The following ATRNL1 variants were observed in gnomAD, a reference collection of about 807,000 sequenced individuals.
ATRNL1 encodes the protein attractin like 1.
Under a neutral mutation model 182.7 loss-of-function variants are expected in ATRNL1, and 95 were observed. The ratio of observed to expected loss-of-function variants is 0.52; its 90% CI spans 0.44 to 0.62. The LOEUF (loss-of-function observed/expected upper bound fraction) is 0.62, where lower values mean the gene tolerates loss of function less well. Among genes scored for constraint, ATRNL1 ranks in the 20% least tolerant of loss-of-function variants. The pLI, the probability that ATRNL1 is intolerant of heterozygous loss-of-function variation, is 0.00. For missense variants in ATRNL1, 1,471 were observed against 1,679.5 expected, an observed-to-expected ratio of 0.88 and a Z score of 2.17; for synonymous variants, 576 against 568.3, an observed-to-expected ratio of 1.01 and a Z score of -0.19.
intron 27 of ATRNL1, among the ~76,000 whole-genome samples, chr10:115,790,248 TTTAAA>T (rs1411764223): frequency 6.3e-5 from 5 of 79,826 alleles, no homozygotes; most frequent in Non-Finnish European, 1.2e-4. Flanking sequence ...GCCTTGTTAG[TTTAAA>T]AAGAAAAAAA....
intron 27 of ATRNL1, among the ~76,000 whole-genome samples, chr10:115,791,795 C>T (rs1555081842): frequency 6.6e-6 from 1 of 152,102 alleles, no homozygotes; most frequent in African/African-American, 2.4e-5. Context: ...TTCTCCAATT[C>T]TCTTAACAGG....
chr10:115,132,379 C>G (rs561898797), intron 5 of ATRNL1, among the ~76,000 whole-genome samples: 1 of 151,912 alleles, frequency 6.6e-6, no homozygotes, highest in African/African-American at 2.4e-5. Context: ...TGAATAGTGC[C>G]GCAATAAACA....
chr10:115,290,909 T>TGGCTACTTGG, intron 15 of ATRNL1, among the ~76,000 whole-genome samples: 1 of 152,154 alleles, frequency 6.6e-6, no homozygotes, highest in South Asian at 2.1e-4. Flanking sequence ...GTAGATGGGT[T>TGGCTACTTGG]CTCTACTTGG....
chr10:115,480,388 T>A (rs1848713664), intron 24 of ATRNL1, among the ~76,000 whole-genome samples: 1 of 151,238 alleles, frequency 6.6e-6, no homozygotes, highest in Admixed American at 6.6e-5. Context: ...TCGTTATTTG[T>A]GGTTCTTGTC....
intron 26 of ATRNL1, among the ~76,000 whole-genome samples, chr10:115,609,264 A>G (rs1285443822): frequency 1.3e-5 from 2 of 152,090 alleles, no homozygotes; most frequent in African/African-American, 4.8e-5. Context: ...CCCTGCTGAC[A>G]TGATGTGGAA....
intron 26 of ATRNL1, among the ~76,000 whole-genome samples, chr10:115,584,389 T>C (rs1855359401): frequency 7.4e-6 from 1 of 135,854 alleles, no homozygotes; most frequent in Non-Finnish European, 1.6e-5. Flanking sequence ...TAGACTCTTT[T>C]TGGTTGGTAA....
At chr10:115,570,986 T>G (rs1854356190) in intron 26 of ATRNL1, among the ~76,000 whole-genome samples, 1 of 152,170 alleles carries the variant, frequency 6.6e-6, no homozygotes. Context: ...CTGGGATAGC[T>G]TATCTCTCCC....
At chr10:115,701,165 C>T (rs1452680902) in intron 26 of ATRNL1, among the ~76,000 whole-genome samples, 2 of 151,942 alleles carry the variant, frequency 1.3e-5, no homozygotes, top group Non-Finnish European at 2.9e-5. Context: ...CTCAAAACCA[C>T]ACAATTACAT....
At chr10:115,714,632 C>T (rs1041938432) in intron 26 of ATRNL1, among the ~76,000 whole-genome samples, 8 of 152,084 alleles carry the variant, frequency 5.3e-5, no homozygotes, top group Non-Finnish European at 1.5e-5. Context: ...ATAATAGAAA[C>T]CTTATCAGAG....
chr10:115,721,380 A>C (rs782080134), intron 26 of ATRNL1, among the ~76,000 whole-genome samples: 5 of 152,194 alleles, frequency 3.3e-5, no homozygotes, highest in African/African-American at 4.8e-5. Context: ...GCATTGGTAT[A>C]TACATATATA....
At chr10:115,504,657 C>A (rs1186114039) in intron 24 of ATRNL1, among the ~76,000 whole-genome samples, 2 of 152,034 alleles carry the variant, frequency 1.3e-5, no homozygotes, top group Admixed American at 6.6e-5. Flanking sequence ...ATTCTTAACA[C>A]ATTTTTAATA....
intron 5 of ATRNL1, among the ~76,000 whole-genome samples, chr10:115,153,712 A>G (rs1249369772): frequency 6.6e-5 from 10 of 151,474 alleles, no homozygotes; most frequent in African/African-American, 1.9e-4. Flanking sequence ...TTGTGTCTCT[A>G]TCTCCTTCAG....
At chr10:115,769,833 T>A (rs1200800996) in intron 27 of ATRNL1, among the ~76,000 whole-genome samples, 1 of 152,188 alleles carries the variant, frequency 6.6e-6, no homozygotes, top group Non-Finnish European at 1.5e-5. Context: ...TATCTTTCAG[T>A]AAGTAGTAGA....
At chr10:115,591,982 T>C (rs1247897678) in intron 26 of ATRNL1, among the ~76,000 whole-genome samples, 1 of 152,218 alleles carries the variant, frequency 6.6e-6, no homozygotes, top group Non-Finnish European at 1.5e-5. Context: ...CATGGAATAC[T>C]ATGCAGCCAT....
rs575316783 is a variant in ATRNL1, at chr10:115,941,104, G to T, written c.4019-3554G>T. Among the ~76,000 whole-genome samples, 6 of 152,216 alleles carry T rather than the reference G, an allele frequency of 3.9e-5. No homozygotes were observed. The East Asian group carries it at 7.7e-4, about 20-fold the overall frequency. On this transcript the variant is annotated intron_variant, in intron 28 of 28. Coordinates refer to ENST00000355044, the MANE Select transcript of ATRNL1 (RefSeq NM_207303.4). ...TGAGTGTTCTCTGTGAGTGCACCAC[G>T]GCGAACACTTAAATATCTCTGCCTA...
intron 20 of ATRNL1, among the ~76,000 whole-genome samples, chr10:115,408,196 G>C (rs1554958841): frequency 1.3e-5 from 2 of 150,934 alleles, no homozygotes; most frequent in African/African-American, 4.9e-5. Flanking sequence ...GTAGAGACGG[G>C]GTTTCACCTT....
intron 18 of ATRNL1, among the ~76,000 whole-genome samples, chr10:115,327,939 G>A (rs184802340): frequency 6.6e-6 from 1 of 151,566 alleles, no homozygotes; most frequent in African/African-American, 2.4e-5. Flanking sequence ...CTGTTGTGGG[G>A]TGGGGGGAAG....
intron 8 of ATRNL1, among the ~76,000 whole-genome samples, chr10:115,185,047 C>A (rs1554888536): frequency 6.6e-6 from 1 of 151,826 alleles, no homozygotes; most frequent in Non-Finnish European, 1.5e-5. Flanking sequence ...ACGAGAACTG[C>A]AGCTATGAAA....
At chr10:115,550,846 A>G (rs1279907727) in intron 26 of ATRNL1, among the ~76,000 whole-genome samples, 1 of 151,778 alleles carries the variant, frequency 6.6e-6, no homozygotes, top group African/African-American at 2.4e-5. Context: ...AAGGCAAGTG[A>G]CAATTTATGT....
Sources: gnomAD v4.1 joint callset for allele counts (sites outside exome capture counted in the v4.1 genomes callset) on GRCh38, gnomAD v4.1.1 for gene constraint, MANE v1.5 for transcripts, NCBI Gene and HGNC (gene_info 2026-07-23, HGNC 2026-07-21) for gene names.